NAV1: variants seen among roughly 807,000 people sequenced by gnomAD.
The protein encoded by NAV1 is pore membrane and/or filament interacting like protein 3.
Under a neutral mutation model 175.2 loss-of-function variants are expected in NAV1, and 18 were observed. That is an observed-to-expected ratio of 0.10 (90% CI 0.07 to 0.15). NAV1 has a LOEUF of 0.15. Ranked by LOEUF, NAV1 falls within the 10% of genes least tolerant of loss-of-function variation. NAV1 has a pLI of 1.00. For missense variants in NAV1, 1,731 were observed against 2,436.6 expected, an observed-to-expected ratio of 0.71 and a Z score of 6.10; for synonymous variants, 897 against 978.7, an observed-to-expected ratio of 0.92 and a Z score of 1.56.
At chr1:201,608,304 G>A (rs555424350) in intron 2 of NAV1, among the ~76,000 whole-genome samples, 1 of 152,326 alleles carries the variant, frequency 6.6e-6, no homozygotes, top group African/African-American at 2.4e-5. Context: ...CTGTCATTCA[G>A]TGTGGCGATG....
chr1:201,692,744 C>A (rs1229263679), intron 1 of NAV1, among the ~76,000 whole-genome samples: 1 of 152,186 alleles, frequency 6.6e-6, no homozygotes, highest in Non-Finnish European at 1.5e-5. Flanking sequence ...GAGGCAGAGC[C>A]CTGCAGTGGG....
chr1:201,648,125 C>T (rs899367635), upstream of NAV1: 25 of 439,084 alleles, frequency 5.7e-5, no homozygotes, highest in Non-Finnish European at 7.2e-5. Flanking sequence ...TCGCTCCCCT[C>T]CTCCTGTTTG....
At chr1:201,716,006 G>A (rs1672126459) in intron 2 of NAV1, among the ~76,000 whole-genome samples, 1 of 152,100 alleles carries the variant, frequency 6.6e-6, no homozygotes, top group Non-Finnish European at 1.5e-5. Flanking sequence ...AGATGTGTTT[G>A]GGGGAACTGA....
intron 1 of NAV1, among the ~76,000 whole-genome samples, chr1:201,702,307 G>C (rs1277452370): frequency 6.6e-6 from 1 of 152,192 alleles, no homozygotes; most frequent in Non-Finnish European, 1.5e-5. Flanking sequence ...AGATAGTGAT[G>C]ATGGTTGTAC....
chr1:201,666,682 C>T (rs888704670), intron 1 of NAV1, among the ~76,000 whole-genome samples: 6 of 152,152 alleles, frequency 3.9e-5, no homozygotes, highest in Non-Finnish European at 8.8e-5. Context: ...CTACCTGTAC[C>T]CTGGGGGAGA....
At chr1:201,622,619 C>A (rs921876299), upstream of NAV1, among the ~76,000 whole-genome samples, 1 of 152,074 alleles carries the variant, frequency 6.6e-6, no homozygotes, top group Non-Finnish European at 1.5e-5. Flanking sequence ...AAGCACTTTC[C>A]CATATGTGCT....
chr1:201,763,800 A>T (rs1675012256), intron 3 of NAV1, among the ~76,000 whole-genome samples: 1 of 152,280 alleles, frequency 6.6e-6, no homozygotes, highest in Non-Finnish European at 1.5e-5. Flanking sequence ...CCACATTAAG[A>T]TCCCAATAAA....
At chr1:201,586,910 G>A (rs1290569890) in intron 1 of NAV1, among the ~76,000 whole-genome samples, 1 of 152,138 alleles carries the variant, frequency 6.6e-6, no homozygotes, top group Non-Finnish European at 1.5e-5. Flanking sequence ...ATCTAAAACA[G>A]TTAAGATGGT....
intron 1 of NAV1, among the ~76,000 whole-genome samples, chr1:201,670,854 A>T (rs985918192): frequency 8.6e-5 from 13 of 150,964 alleles, no homozygotes; most frequent in Non-Finnish European, 1.8e-4. Context: ...GGTGGTAGAG[A>T]TGCTGGTGGT....
At chr1:201,661,094 G>A (rs76176577) in intron 1 of NAV1, among the ~76,000 whole-genome samples, 3,179 of 152,254 alleles carry the variant, frequency 0.021, 119 homozygotes, top group African/African-American at 0.072. Context: ...GCAAGTTCAC[G>A]GTCAAGCTAA....
intron 2 of NAV1, among the ~76,000 whole-genome samples, chr1:201,604,589 G>A (rs1168049942): frequency 6.6e-6 from 1 of 151,774 alleles, no homozygotes; most frequent in Non-Finnish European, 1.5e-5. Context: ...GGCTGAGGTG[G>A]TAGAATCGCT....
At chr1:201,621,811 A>G (rs1668179905), upstream of NAV1, among the ~76,000 whole-genome samples, 4 of 152,308 alleles carry the variant, frequency 2.6e-5, no homozygotes, top group Admixed American at 2.6e-4. Context: ...ACGTTCATGC[A>G]TGTGTTCTGA....
intron 2 of NAV1, among the ~76,000 whole-genome samples, chr1:201,616,668 G>C (rs887131426): frequency 3.3e-5 from 5 of 152,122 alleles, no homozygotes; most frequent in Non-Finnish European, 4.4e-5. Context: ...TGTATTTTCA[G>C]TAGAGATGGG....
chr1:201,802,199 A>G (rs1371384818), intron 15 of NAV1, among the ~76,000 whole-genome samples: 7 of 143,824 alleles, frequency 4.9e-5, no homozygotes, highest in Non-Finnish European at 7.6e-5. Context: ...CAGCTACTCG[A>G]GAAGCTGAGG....
intron 3 of NAV1, among the ~76,000 whole-genome samples, chr1:201,766,339 A>G (rs1160021744): frequency 6.6e-6 from 1 of 152,298 alleles, no homozygotes. Context: ...ACATGTAATG[A>G]AGCAGACACT....
intron 3 of NAV1, among the ~76,000 whole-genome samples, chr1:201,758,455 A>G (rs779407380): frequency 2.0e-5 from 3 of 152,222 alleles, no homozygotes; most frequent in Admixed American, 6.5e-5. Flanking sequence ...AAAGCCCTTC[A>G]GATACTTGGA....
At chr1:201,617,074 C>G (rs1038372607) in intron 2 of NAV1, among the ~76,000 whole-genome samples, 1 of 152,142 alleles carries the variant, frequency 6.6e-6, no homozygotes, top group Non-Finnish European at 1.5e-5. Context: ...GATGAGGGAA[C>G]TAAAGAGCAC....
chr1:201,621,357 C>T (rs1423143819), upstream of NAV1, among the ~76,000 whole-genome samples: 1 of 98,872 alleles, frequency 1.0e-5, no homozygotes, highest in Non-Finnish European at 2.0e-5. Flanking sequence ...TTTTTTGAGA[C>T]AGTTTTGCTC....
Position 201,788,317 on chromosome 1 carries a change from A to G in NAV1, c.2996-151A>G. 1.3e-6 allele frequency: 1 copy of G among 762,534 alleles called. No individual in the cohort carries two copies. Among genetic ancestry groups the G allele is most frequent in the Admixed American group, 2.2e-5 (1 of 46,406 alleles). The allele number at this position is 762,534 out of a possible 1,614,324, so 47.2% of individuals were successfully genotyped here. ...CACCAGCTGCTTGCACACTCCCACC[A>G]CCGCACCTGCCCCTTCCTCTCCTGC... On this transcript the variant is annotated intron_variant, in intron 9 of 29. Transcript: ENST00000367296. The surrounding 1 kb of genome is among the most constrained non-coding windows in gnomAD (Gnocchi z 5.7).
Sources: gnomAD v4.1 joint callset for allele counts (sites outside exome capture counted in the v4.1 genomes callset) on GRCh38, gnomAD v4.1.1 for gene constraint, Gnocchi (gnomAD v3.1) non-coding constraint, MANE v1.5 for transcripts, NCBI Gene and HGNC (gene_info 2026-07-23, HGNC 2026-07-21) for gene names.